PLEKHA3: variants seen among roughly 807,000 people sequenced by gnomAD.
PLEKHA3 encodes pleckstrin homology domain-containing family A member 3.
PLEKHA3 carries 19 observed loss-of-function variants against 39.2 expected under a neutral mutation model. The ratio of observed to expected loss-of-function variants is 0.48; its 90% CI spans 0.34 to 0.71. The LOEUF (loss-of-function observed/expected upper bound fraction) is 0.71, where lower values mean the gene tolerates loss of function less well. PLEKHA3 is among the 30% of genes least tolerant of loss of function. PLEKHA3 has a pLI of 0.01. For missense variants in PLEKHA3, 253 were observed against 359.5 expected (o/e 0.70, Z 2.40); for synonymous variants, 97 against 118.6 (o/e 0.82, Z 1.18).
At position 178,515,660 on chromosome 2, in the gene PLEKHA3, C is replaced by A. The variant is rs181598903; in HGVS notation, c.*11773C>A. The A allele has an allele frequency of 1.2e-4, 18 of 152,224 alleles. No individual in the cohort carries two copies. The East Asian group carries it at 3.5e-3, about 29-fold the overall frequency. 9.4% of individuals were successfully genotyped at this position (152,224 alleles called of 1,614,324 possible). ...TCAGTTAATATTCATTGACCACTCA[C>A]TAAGTGTTATGTTGCTAGTATTTAT... On this transcript the variant is annotated 3_prime_UTR_variant, in exon 8 of 8. Coordinates refer to ENST00000234453, the MANE Select transcript of PLEKHA3 (RefSeq NM_019091.4).
Position 178,516,269 on chromosome 2 carries a change from A to G in PLEKHA3, c.*12382A>G, listed in dbSNP as rs149832532. 3.3e-5 allele frequency: 5 copies of G among 152,246 alleles called. No individual in the cohort carries two copies. Among genetic ancestry groups the G allele is most frequent in the South Asian group, 2.1e-4 (1 of 4,830 alleles). 9.4% of individuals were successfully genotyped at this position (152,246 alleles called of 1,614,324 possible). A position where few individuals can be genotyped will look rare whatever the true frequency, so the allele number is the denominator to read the frequency against. The stretch of plus-strand genomic sequence containing the variant: ...TATAACTAAACACTTTAATTTTGAA[A>G]AAGTTTCAGAATAGAATTTCTATTC... On this transcript the variant is annotated 3_prime_UTR_variant, in exon 8 of 8. Transcript: ENST00000234453.
rs959271376 is a variant in PLEKHA3 at position 178,512,689 on chromosome 2, A to T, written c.*8802A>T. ...CGGTGAAGCATTTTATGAGTGAACA[A>T]TGGTGAGTCATGTAATGAAAGGAGA... On this transcript the variant is annotated 3_prime_UTR_variant, in exon 8 of 8. Coordinates refer to ENST00000234453, the MANE Select transcript of PLEKHA3 (RefSeq NM_019091.4). 6.5e-6 allele frequency: 1 copy of T among 153,816 alleles called. No homozygotes were observed. The highest frequency in any genetic ancestry group is 2.4e-5 in the African/African-American group (1 of 41,466). 9.5% of individuals were successfully genotyped at this position (153,816 alleles called of 1,614,324 possible).
chr2:178,494,022 A>T (rs781405724), intron 4 of PLEKHA3, 33 bp downstream of exon 4: 2 of 1,607,092 alleles, frequency 1.2e-6, no homozygotes, highest in Non-Finnish European at 1.7e-6. Flanking sequence ...ACGTGTGGTT[A>T]TGCTTTGGAG....
intron 1 of PLEKHA3, 116 bp from the exon 2 acceptor site, chr2:178,485,525 G>A (rs115094730): frequency 0.024 from 16,611 of 704,250 alleles, 304 homozygotes; most frequent in South Asian, 0.047. Context: ...TTCATTATCG[G>A]AATGTTATTT....
At chr2:178,496,568 A>G (rs1420044227) in intron 5 of PLEKHA3, among the ~76,000 whole-genome samples, 1 of 152,202 alleles carries the variant, frequency 6.6e-6, no homozygotes, top group Non-Finnish European at 1.5e-5. Context: ...TTGTTTTCTA[A>G]TCAGTATTTG....
Position 178,514,566 on chromosome 2 carries a change from G to A in PLEKHA3, c.*10679G>A, listed in dbSNP as rs1180394618. On this transcript the variant is annotated 3_prime_UTR_variant, in exon 8 of 8. Transcript: ENST00000234453. ...CCTGTCATGTCTTTATTTAGGCTAA[G>A]TGCATATGTATGTATAAGTAATGTG... 1 of 151,890 alleles carries A rather than the reference G, an allele frequency of 6.6e-6. No individual in the cohort carries two copies. Among genetic ancestry groups the A allele is most frequent in the Non-Finnish European group, 1.5e-5 (1 of 68,004 alleles). 9.4% of individuals were successfully genotyped at this position (151,890 alleles called of 1,614,324 possible). A position where few individuals can be genotyped will look rare whatever the true frequency, so the allele number is the denominator to read the frequency against.
rs1321652281 is a variant in PLEKHA3, at chr2:178,513,457, A to G, written c.*9570A>G. ...CATTTTCTTTTTAATTCCTCTATGC[A>G]AGGAACTGTGGATTGCTTTTTTCTG... On this transcript the variant is annotated 3_prime_UTR_variant, in exon 8 of 8. Coordinates refer to ENST00000234453, the MANE Select transcript of PLEKHA3 (RefSeq NM_019091.4). 1.3e-5 allele frequency: 2 copies of G among 152,160 alleles called. No individual in the cohort carries two copies. The highest frequency in any genetic ancestry group is 2.9e-5 in the Non-Finnish European group (2 of 68,044). The allele number at this position is 152,160 out of a possible 1,614,324, so 9.4% of individuals were successfully genotyped here.
At chr2:178,501,998 G>A (rs1007545971) in intron 7 of PLEKHA3, among the ~76,000 whole-genome samples, 1 of 151,936 alleles carries the variant, frequency 6.6e-6, no homozygotes, top group African/African-American at 2.4e-5. Flanking sequence ...CATGATAAGT[G>A]GTGGTTAGCT....
In PLEKHA3 at chr2:178,503,780, A is replaced by C; in HGVS notation, c.796A>C (p.Asn266His). 6.2e-7 allele frequency: 1 copy of C among 1,611,716 alleles called. No homozygotes were observed. Residue 266 changes from asparagine (N) to histidine (H), a missense_variant, in exon 8 of 8, where the codon AAT (asparagine) becomes CAT (histidine). Around this residue, in one of 2 missense-constraint regions of PLEKHA3, gnomAD observed 127 missense variants for 136.8 expected, o/e 0.93. Transcript: ENST00000234453. Reference sequence around the variant, plus strand: ...CATAGGACCTGTTCACTGTTCAAAAAATACACTTAATGGAGATTTGGCATC... The same window carrying C: ...CATAGGACCTGTTCACTGTTCAAAACATACACTTAATGGAGATTTGGCATC... ...DPDRPVHCSK[N>H]TLNGDLASAT...
intron 5 of PLEKHA3, 128 bp downstream of exon 5, chr2:178,495,788 A>G (rs892051556): frequency 8.7e-6 from 9 of 1,036,896 alleles, no homozygotes; most frequent in Non-Finnish European, 1.3e-5. Context: ...AACAAGTTGA[A>G]TTTTTTTGTT....
At position 178,506,171 on chromosome 2, in the gene PLEKHA3, TATTATTA is replaced by T. The variant is rs1408436353; in HGVS notation, c.*2285_*2291del. The T allele has an allele frequency of 6.6e-6, 1 of 152,148 alleles. No individual in the cohort carries two copies. Among genetic ancestry groups the T allele is most frequent in the African/African-American group, 2.4e-5 (1 of 41,428 alleles). 9.4% of individuals were successfully genotyped at this position (152,148 alleles called of 1,614,324 possible). A position where few individuals can be genotyped will look rare whatever the true frequency, so the allele number is the denominator to read the frequency against. ...TATACTTTATAGAAAAATTATTGGT[TATTATTA>T]GTTATTAGTAGTCCCTTTTTTTTGC... On this transcript the variant is annotated 3_prime_UTR_variant, in exon 8 of 8. Coordinates refer to ENST00000234453, the MANE Select transcript of PLEKHA3 (RefSeq NM_019091.4).
chr2:178,497,111 G>T (rs1305135985), intron 5 of PLEKHA3, among the ~76,000 whole-genome samples: 1 of 151,746 alleles, frequency 6.6e-6, no homozygotes, highest in Non-Finnish European at 1.5e-5. Flanking sequence ...ATGCTGAAGT[G>T]TATTATGAAT....
chr2:178,487,690 C>T (rs763607161), intron 2 of PLEKHA3, among the ~76,000 whole-genome samples: 5 of 152,152 alleles, frequency 3.3e-5, no homozygotes, highest in Non-Finnish European at 7.4e-5. Flanking sequence ...GCAATCTGCC[C>T]GCTTTGGCCT....
rs1265478399 is a variant in PLEKHA3 at position 178,508,022 on chromosome 2, A to G, written c.*4135A>G. 6.6e-6 allele frequency: 1 copy of G among 150,886 alleles called. No individual in the cohort carries two copies. The highest frequency in any genetic ancestry group is 2.5e-5 in the African/African-American group (1 of 40,404). The allele number at this position is 150,886 out of a possible 1,614,324, so 9.3% of individuals were successfully genotyped here. ...CTACTTGACTTGGTGGAATCTTTCAATTTAGAGATTTGTCTGCTTCAGTTC... is the reference window on the plus strand; with the variant it reads ...CTACTTGACTTGGTGGAATCTTTCAGTTTAGAGATTTGTCTGCTTCAGTTC... On this transcript the variant is annotated 3_prime_UTR_variant, in exon 8 of 8. Coordinates refer to ENST00000234453, the MANE Select transcript of PLEKHA3 (RefSeq NM_019091.4).
chr2:178,481,956 C>G (rs1685172791), intron 1 of PLEKHA3: 1 of 153,614 alleles, frequency 6.5e-6, no homozygotes, highest in Non-Finnish European at 1.5e-5. Context: ...TTGTGTCCAC[C>G]TGATCTTGTG....
Position 178,515,950 on chromosome 2 carries a change from C to T in PLEKHA3, c.*12063C>T, listed in dbSNP as rs1388588943. 2 of 151,672 alleles carry T rather than the reference C, an allele frequency of 1.3e-5. No individual in the cohort carries two copies. Among genetic ancestry groups the T allele is most frequent in the Non-Finnish European group, 2.9e-5 (2 of 67,882 alleles). 9.4% of individuals were successfully genotyped at this position (151,672 alleles called of 1,614,324 possible). A position where few individuals can be genotyped will look rare whatever the true frequency, so the allele number is the denominator to read the frequency against. ...TGCTGTTAAAATAGTCTTTTCTTTG[C>T]GTGTTTAAATATTGTTAGAAACATA... On this transcript the variant is annotated 3_prime_UTR_variant, in exon 8 of 8. Transcript: ENST00000234453.
At chr2:178,495,437 T>C in intron 4 of PLEKHA3, 59 bp from the exon 5 acceptor site, 1 of 1,473,996 alleles carries the variant, frequency 6.8e-7, no homozygotes, top group African/African-American at 1.4e-5. Flanking sequence ...ATGATAAGGT[T>C]GTATATGATT....
At position 178,480,557 on chromosome 2, in the gene PLEKHA3, G is replaced by C. The variant is rs985284639; in HGVS notation, c.-313G>C. On this transcript the variant is annotated 5_prime_UTR_variant, in exon 1 of 8. Coordinates refer to ENST00000234453, the MANE Select transcript of PLEKHA3 (RefSeq NM_019091.4). The stretch of plus-strand genomic sequence containing the variant: ...AGAGGCAGCGCCGGGGCGCCGGAGG[G>C]AGCAGCCGGGCTGCGGAAGCGCGAG... The C allele has an allele frequency of 8.6e-6, 2 of 232,068 alleles. No individual in the cohort carries two copies. The highest frequency in any genetic ancestry group is 4.6e-5 in the African/African-American group (2 of 43,792). The allele number at this position is 232,068 out of a possible 1,614,324, so 14.4% of individuals were successfully genotyped here.
intron 1 of PLEKHA3, chr2:178,481,893 C>A (rs1685171735): frequency 6.6e-6 from 1 of 151,152 alleles, no homozygotes; most frequent in African/African-American, 2.5e-5. Context: ...CTGCCCACTT[C>A]TTCGCTCTGC....
Sources: gnomAD v4.1 joint callset for allele counts (sites outside exome capture counted in the v4.1 genomes callset) on GRCh38, gnomAD v4.1.1 for gene constraint, gnomAD v4.1.1 regional missense constraint, MANE v1.5 for transcripts, NCBI Gene and HGNC (gene_info 2026-07-23, HGNC 2026-07-21) for gene names.